COX7A2L: variants seen among roughly 807,000 people sequenced by gnomAD.
COX7A2L encodes the protein cytochrome c oxidase subunit 7A2-like, mitochondrial.
Under a neutral mutation model 14.2 loss-of-function variants are expected in COX7A2L, and 18 were observed. The ratio of observed to expected loss-of-function variants is 1.27; its 90% CI spans 0.88 to 1.88. The LOEUF is 1.88. COX7A2L is among the 40% of genes most tolerant of loss of function. COX7A2L has a pLI of 0.00. For missense variants in COX7A2L, 179 were observed against 138.8 expected, an observed-to-expected ratio of 1.29 and a Z score of -1.46; for synonymous variants, 65 against 57.4, an observed-to-expected ratio of 1.13 and a Z score of -0.60.
At chr2:42,356,280 T>A (rs946243548) in intron 1 of COX7A2L, among the ~76,000 whole-genome samples, 4 of 152,194 alleles carry the variant, frequency 2.6e-5, no homozygotes. Context: ...GTCCTCCCCC[T>A]TGCCCTACTA....
chr2:42,337,639 T>G (rs934760574), intron 2 of COX7A2L, among the ~76,000 whole-genome samples: 2 of 152,146 alleles, frequency 1.3e-5, no homozygotes, highest in African/African-American at 4.8e-5. Flanking sequence ...AATGTTACTT[T>G]CCTGGTCTCA....
chr2:42,356,217 C>T, intron 1 of COX7A2L, among the ~76,000 whole-genome samples: 1 of 152,172 alleles, frequency 6.6e-6, no homozygotes, highest in African/African-American at 2.4e-5. Context: ...TACCCAACCC[C>T]ATAAGTCACC....
intron 1 of COX7A2L, among the ~76,000 whole-genome samples, chr2:42,353,880 G>A (rs1339199631): frequency 6.6e-6 from 1 of 152,152 alleles, no homozygotes; most frequent in Non-Finnish European, 1.5e-5. Context: ...CACATAAATT[G>A]AAAACACATA....
chr2:42,351,188 CA>C lies in COX7A2L; in HGVS notation c.*30del, dbSNP rs1222891267. ...AAAAGGAACTTCAAAGGGTTTATGC[CA>C]AAAAACAAACCAGTCCTCTGCAGCC... is the stretch of plus-strand genomic sequence containing the variant. On this transcript the variant is annotated 3_prime_UTR_variant, in exon 3 of 3. Transcript: ENST00000234301. The C allele has an allele frequency of 1.3e-6, 2 of 1,583,884 alleles. No individual in the cohort carries two copies. The highest frequency in any genetic ancestry group is 1.7e-6 in the Non-Finnish European group (2 of 1,165,326).
chr2:42,351,484 C>T (rs1670643034), intron 2 of COX7A2L, 125 bp from the exon 3 acceptor site: 3 of 1,098,130 alleles, frequency 2.7e-6, no homozygotes, highest in Non-Finnish European at 3.9e-6. Flanking sequence ...GGGAAAAGCA[C>T]TAATCCATGG....
chr2:42,355,287 T>C (rs1157572398), intron 1 of COX7A2L, among the ~76,000 whole-genome samples: 3 of 152,236 alleles, frequency 2.0e-5, no homozygotes, highest in African/African-American at 4.8e-5. Context: ...TGGAGAATGT[T>C]AGATACTCCT....
chr2:42,361,265 T>C (rs946090696), upstream of COX7A2L: 1 of 1,088,336 alleles, frequency 9.2e-7, no homozygotes, highest in Admixed American at 2.4e-5. Flanking sequence ...AAGGACCCGG[T>C]GCTGGGACTA....
intron 2 of COX7A2L, among the ~76,000 whole-genome samples, chr2:42,336,147 C>T (rs578021145): frequency 6.6e-6 from 1 of 152,354 alleles, no homozygotes; most frequent in African/African-American, 2.4e-5. Context: ...GCTTTTTCCA[C>T]TTGGTCCTCA....
upstream of COX7A2L, among the ~76,000 whole-genome samples, chr2:42,364,407 A>C (rs2103920023): frequency 1.3e-5 from 2 of 152,244 alleles, no homozygotes; most frequent in Middle Eastern, 6.8e-3. Context: ...ACATAGTGCA[A>C]TGTTATAGTG....
downstream of COX7A2L, among the ~76,000 whole-genome samples, chr2:42,347,306 CCT>C (rs1491285585): frequency 3.7e-5 from 4 of 107,688 alleles, no homozygotes; most frequent in African/African-American, 8.0e-5. Flanking sequence ...TAAACCAGCA[CCT>C]TTTTTTTTTT....
At chr2:42,353,430 A>C in intron 1 of COX7A2L, 87 bp from the exon 2 acceptor site, 1 of 1,534,806 alleles carries the variant, frequency 6.5e-7, no homozygotes. Flanking sequence ...CAACTACGAG[A>C]GAGCAAGAAA....
upstream of COX7A2L, among the ~76,000 whole-genome samples, chr2:42,363,308 GA>G (rs1671099032): frequency 6.6e-6 from 1 of 152,182 alleles, no homozygotes; most frequent in South Asian, 2.1e-4. Flanking sequence ...TTGAGTGAAA[GA>G]AAAAGCCTTT....
intron 2 of COX7A2L, among the ~76,000 whole-genome samples, chr2:42,351,800 C>G (rs567898863): frequency 6.6e-6 from 1 of 152,244 alleles, no homozygotes; most frequent in Admixed American, 6.5e-5. Flanking sequence ...ATGGCAAAAC[C>G]CTGTCTCTAC....
At chr2:42,366,492 C>G (rs1276569556) in intron 1 of COX7A2L, among the ~76,000 whole-genome samples, 1 of 152,180 alleles carries the variant, frequency 6.6e-6, no homozygotes, top group Non-Finnish European at 1.5e-5. Flanking sequence ...CAACCCTGCA[C>G]TAGATTTATG....
intron 1 of COX7A2L, among the ~76,000 whole-genome samples, chr2:42,367,038 A>AAAATC (rs1376185562): frequency 6.6e-6 from 1 of 152,250 alleles, no homozygotes; most frequent in African/African-American, 2.4e-5. Context: ...ATTAAATTTA[A>AAAATC]AAATCAGATC....
At chr2:42,351,543 A>G (rs775474123) in intron 2 of COX7A2L, among the ~76,000 whole-genome samples, 184 bp from the exon 3 acceptor site, 12 of 152,264 alleles carry the variant, frequency 7.9e-5, no homozygotes, top group Admixed American at 2.0e-4. Context: ...GTAAATCCAA[A>G]GTCATTCTCC....
chr2:42,341,736 G>A (rs888864930), intron 2 of COX7A2L, among the ~76,000 whole-genome samples: 10 of 152,230 alleles, frequency 6.6e-5, no homozygotes, highest in Admixed American at 6.5e-4. Context: ...TAATTAGAAT[G>A]ACAACTAATT....
intron 1 of COX7A2L, among the ~76,000 whole-genome samples, chr2:42,355,943 C>T (rs1432717822): frequency 6.6e-6 from 1 of 152,068 alleles, no homozygotes; most frequent in Non-Finnish European, 1.5e-5. Flanking sequence ...CCAGGCTGGT[C>T]TCGAACTCCT....
rs1670636912 is a variant in COX7A2L at position 42,351,299 on chromosome 2, T to C, written c.265A>G (p.Thr89Ala). 5.0e-6 allele frequency: 8 copies of C among 1,614,150 alleles called. No homozygotes were observed. The highest frequency in any genetic ancestry group is 6.8e-6 in the Non-Finnish European group (8 of 1,180,010). The stretch of plus-strand genomic sequence containing the variant: ...CCTCCCACAGTCAGCGCCATGGTGG[T>C]CCGGTAAAGCATTTGGTCAGGCAGG... ...RGLPDQMLYR[T>A]TMALTVGGTI... The change falls in exon 3 of 3, where the codon ACC (threonine) becomes GCC (alanine). Residue 89 changes from threonine to alanine, a missense_variant. Physicochemically the swap from Thr to Ala is moderately conservative, Grantham distance 58 (BLOSUM62 0). Transcript: ENST00000234301.
Sources: allele counts gnomAD v4.1 joint callset (sites outside exome capture counted in the v4.1 genomes callset), GRCh38; gene constraint gnomAD v4.1.1; transcripts MANE v1.5; gene names NCBI Gene and HGNC (gene_info 2026-07-23, HGNC 2026-07-21).